Variants in INPP4B observed in about 807,000 individuals in gnomAD.
INPP4B encodes inositol polyphosphate-4-phosphatase type II B.
A neutral mutation model predicts 122.5 loss-of-function variants in INPP4B; 55 were observed. That is an observed-to-expected ratio of 0.45 (90% CI 0.36 to 0.56). INPP4B has a LOEUF of 0.56. Among genes scored for constraint, INPP4B ranks in the 20% least tolerant of loss-of-function variants. INPP4B has a pLI of 0.00. For synonymous variants in INPP4B, 403 were observed against 388.7 expected, an observed-to-expected ratio of 1.04 and a Z score of -0.43; for missense variants, 1,000 against 1,097.7, an observed-to-expected ratio of 0.91 and a Z score of 1.26.
intron 8 of INPP4B, 28 bp from the exon 9 acceptor site, chr4:142,305,565 T>C (rs775595855): frequency 9.4e-6 from 15 of 1,596,222 alleles, no homozygotes; most frequent in African/African-American, 1.3e-5. Flanking sequence ...AATGGTTTCA[T>C]TAACTTGAGG....
At chr4:142,511,662 T>A (rs1202298785) in intron 2 of INPP4B, among the ~76,000 whole-genome samples, 1 of 152,128 alleles carries the variant, frequency 6.6e-6, no homozygotes, top group Non-Finnish European at 1.5e-5. Context: ...ATCAACTAAA[T>A]CAGAATACTT....
intron 2 of INPP4B, among the ~76,000 whole-genome samples, chr4:142,490,460 T>C (rs2149780097): frequency 6.6e-6 from 1 of 152,242 alleles, no homozygotes; most frequent in East Asian, 1.9e-4. Context: ...TATATACATT[T>C]ATGGTGTAAA....
chr4:142,813,045 T>G (rs1488204116), intron 1 of INPP4B, among the ~76,000 whole-genome samples: 2 of 152,106 alleles, frequency 1.3e-5, no homozygotes, highest in Non-Finnish European at 2.9e-5. Context: ...AGCTAACTCC[T>G]AAAAATGTTG....
intron 23 of INPP4B, among the ~76,000 whole-genome samples, chr4:142,091,677 G>A (rs567685605): frequency 2.6e-5 from 4 of 152,254 alleles, no homozygotes; most frequent in Non-Finnish European, 5.9e-5. Flanking sequence ...TGAGAGTCAG[G>A]TTTTAGGGCC....
At chr4:142,746,730 C>T (rs1768813493) in intron 1 of INPP4B, among the ~76,000 whole-genome samples, 1 of 152,076 alleles carries the variant, frequency 6.6e-6, no homozygotes, top group Non-Finnish European at 1.5e-5. Context: ...CATCTACAAC[C>T]ATCTGCTCTT....
At chr4:142,796,913 TGTC>T (rs1251683498) in intron 1 of INPP4B, among the ~76,000 whole-genome samples, 4 of 92,976 alleles carry the variant, frequency 4.3e-5, no homozygotes, top group African/African-American at 1.6e-4. Flanking sequence ...TGTGTGTGTG[TGTC>T]TGTGTGTAAT....
At chr4:142,545,781 A>T (rs1829541476) in intron 2 of INPP4B, among the ~76,000 whole-genome samples, 1 of 137,298 alleles carries the variant, frequency 7.3e-6, no homozygotes, top group South Asian at 2.4e-4. Flanking sequence ...ATATATATAC[A>T]CATATATATG....
chr4:142,097,785 G>A (rs1333123538), intron 23 of INPP4B, among the ~76,000 whole-genome samples: 1 of 152,090 alleles, frequency 6.6e-6, no homozygotes, highest in Non-Finnish European at 1.5e-5. Flanking sequence ...CAGAAATAGT[G>A]TTACTTTTCA....
intron 2 of INPP4B, among the ~76,000 whole-genome samples, chr4:142,720,805 C>CTATATATATATA (rs1486439869): frequency 9.5e-4 from 15 of 15,836 alleles, no homozygotes; most frequent in Admixed American, 3.0e-3. Flanking sequence ...CTCTCTCTCT[C>CTATATATATATA]TCTCTATATA....
chr4:142,398,343 A>C (rs1252840063), intron 7 of INPP4B, among the ~76,000 whole-genome samples: 2 of 133,406 alleles, frequency 1.5e-5, no homozygotes, highest in Non-Finnish European at 3.1e-5. Context: ...GTGGCACTGC[A>C]CTCCAGCCTG....
intron 11 of INPP4B, among the ~76,000 whole-genome samples, chr4:142,258,935 C>A (rs1213979300): frequency 1.3e-5 from 2 of 151,930 alleles, no homozygotes; most frequent in African/African-American, 4.8e-5. Context: ...TTCACAATAG[C>A]AAAGACTTGG....
At chr4:142,739,139 C>T (rs566670348) in intron 1 of INPP4B, among the ~76,000 whole-genome samples, 7 of 151,980 alleles carry the variant, frequency 4.6e-5, no homozygotes, top group Middle Eastern at 3.4e-3. Context: ...CTTCAAAAAC[C>T]GTAAATTAAT....
chr4:142,231,656 T>A (rs1854417305), intron 12 of INPP4B, among the ~76,000 whole-genome samples: 1 of 152,114 alleles, frequency 6.6e-6, no homozygotes, highest in Admixed American at 6.6e-5. Flanking sequence ...GGTGAAAAAA[T>A]TGATATCAAT....
intron 10 of INPP4B, among the ~76,000 whole-genome samples, chr4:142,264,962 TTC>T (rs1323412514): frequency 2.0e-5 from 3 of 149,256 alleles, no homozygotes; most frequent in East Asian, 2.0e-4. Flanking sequence ...TCCTCTCTCT[TTC>T]TCTCTCTCTC....
chr4:142,734,382 A>C (rs1580798387), intron 1 of INPP4B, among the ~76,000 whole-genome samples: 1 of 152,154 alleles, frequency 6.6e-6, no homozygotes, highest in East Asian at 1.9e-4. Context: ...AAAAACTAAT[A>C]CACATTTATA....
chr4:142,094,045 G>A (rs1320680174), intron 23 of INPP4B, among the ~76,000 whole-genome samples: 4 of 152,108 alleles, frequency 2.6e-5, no homozygotes, highest in Non-Finnish European at 4.4e-5. Flanking sequence ...TTTTTTTCCT[G>A]TTTATATTTT....
At position 142,152,066 on chromosome 4, in the gene INPP4B, C is replaced by CTTTTTTTTT. The variant is rs572092121; in HGVS notation, c.1564-6079_1564-6071dup. 2.1e-3 allele frequency among the ~76,000 whole-genome samples: 150 copies of CTTTTTTTTT among 69,934 alleles called. 16 individuals are homozygous for CTTTTTTTTT. Among genetic ancestry groups the CTTTTTTTTT allele is most frequent in the African/African-American group, 8.1e-3 (145 of 17,984 alleles). The allele number at this position is 69,934 out of a possible 152,430, so 45.9% of individuals were successfully genotyped here. On this transcript the variant is annotated intron_variant, in intron 17 of 25. Transcript: ENST00000262992. ...TGCCTAACATGCTTTTTTGTCTTTT[C>CTTTTTTTTT]TTTTTTTTTTTTTTTTTTTTTTTTT...
chr4:142,556,798 G>A (rs75311313), intron 2 of INPP4B, among the ~76,000 whole-genome samples: 1 of 152,088 alleles, frequency 6.6e-6, no homozygotes, highest in Non-Finnish European at 1.5e-5. Flanking sequence ...CAGGGATAGG[G>A]GCCTAAAAGA....
intron 1 of INPP4B, among the ~76,000 whole-genome samples, chr4:142,768,365 A>G (rs1298634978): frequency 6.6e-6 from 1 of 152,212 alleles, no homozygotes; most frequent in Non-Finnish European, 1.5e-5. Context: ...AGACATCAAG[A>G]TAAACGTATA....
Sources: allele counts gnomAD v4.1 joint callset (sites outside exome capture counted in the v4.1 genomes callset), GRCh38; gene constraint gnomAD v4.1.1; transcripts MANE v1.5; gene names NCBI Gene and HGNC (gene_info 2026-07-23, HGNC 2026-07-21).